GALNT7: variants seen among roughly 807,000 people sequenced by gnomAD.
The protein encoded by GALNT7 is N-acetylgalactosaminyltransferase 7.
A neutral mutation model predicts 82.1 loss-of-function variants in GALNT7; 60 were observed. The ratio of observed to expected loss-of-function variants is 0.73; its 90% CI spans 0.59 to 0.91. The LOEUF is 0.91. Among genes scored for constraint, GALNT7 ranks in the 40% least tolerant of loss-of-function variants. The pLI, the probability that GALNT7 is intolerant of heterozygous loss-of-function variation, is 0.00. For missense variants in GALNT7, 660 were observed against 804.2 expected, an observed-to-expected ratio of 0.82 and a Z score of 2.17; for synonymous variants, 243 against 275.1, an observed-to-expected ratio of 0.88 and a Z score of 1.15.
chr4:173,191,589 C>T (rs1257957347), intron 1 of GALNT7, among the ~76,000 whole-genome samples: 1 of 152,150 alleles, frequency 6.6e-6, no homozygotes, highest in Non-Finnish European at 1.5e-5. Flanking sequence ...AGATATTGTG[C>T]CAAACAGTAC....
chr4:173,220,938 T>C (rs546178293), intron 1 of GALNT7, among the ~76,000 whole-genome samples: 223 of 152,016 alleles, frequency 1.5e-3, no homozygotes, highest in African/African-American at 5.1e-3. Flanking sequence ...TCTTTGCTAT[T>C]GTGGATAGTG....
intron 1 of GALNT7, among the ~76,000 whole-genome samples, chr4:173,241,308 C>G (rs1734427434): frequency 1.3e-5 from 2 of 151,868 alleles, no homozygotes; most frequent in South Asian, 4.2e-4. Context: ...TTAAGTCAGG[C>G]AAATCACGAA....
intron 1 of GALNT7, among the ~76,000 whole-genome samples, chr4:173,199,707 A>G (rs1732882633): frequency 6.6e-6 from 1 of 152,150 alleles, no homozygotes; most frequent in Non-Finnish European, 1.5e-5. Context: ...CCACCCTCTT[A>G]AAAAGAAGTT....
rs140274180 is a variant in GALNT7, at chr4:173,254,944, T to G, written c.587+6504T>G. Among the ~76,000 whole-genome samples the G allele has an allele frequency of 3.7e-3, 557 of 152,368 alleles. 1 individual carries two copies. The highest frequency in any genetic ancestry group is 0.011 in the African/African-American group (476 of 41,590). ...CCTTGTGTTCTGATGTCTACTTTTC[T>G]TCTTCACACACATATAAACACAAAA... On this transcript the variant is annotated intron_variant, in intron 2 of 11. Coordinates refer to ENST00000265000, the MANE Select transcript of GALNT7 (RefSeq NM_017423.3).
chr4:173,261,030 C>A (rs1271215894), intron 2 of GALNT7, among the ~76,000 whole-genome samples: 1 of 152,200 alleles, frequency 6.6e-6, no homozygotes, highest in African/African-American at 2.4e-5. Context: ...TTGCTGAGCG[C>A]TTCTGTCCCA....
At chr4:173,245,155 A>C (rs1175069737) in intron 1 of GALNT7, among the ~76,000 whole-genome samples, 1 of 151,696 alleles carries the variant, frequency 6.6e-6, no homozygotes, top group Non-Finnish European at 1.5e-5. Context: ...TGACAAATAG[A>C]CTAATAACAG....
At chr4:173,305,879 G>T (rs1157798231) in intron 8 of GALNT7, among the ~76,000 whole-genome samples, 1 of 151,990 alleles carries the variant, frequency 6.6e-6, no homozygotes, top group Non-Finnish European at 1.5e-5. Flanking sequence ...GCTATTCAGG[G>T]TTTTTTGTGG....
At chr4:173,242,606 C>T (rs572057610) in intron 1 of GALNT7, among the ~76,000 whole-genome samples, 2 of 152,328 alleles carry the variant, frequency 1.3e-5, no homozygotes, top group South Asian at 2.1e-4. Context: ...AGTCATCGCT[C>T]AGTGCTCTGA....
At chr4:173,206,415 TG>T (rs1363080224) in intron 1 of GALNT7, among the ~76,000 whole-genome samples, 2 of 152,160 alleles carry the variant, frequency 1.3e-5, no homozygotes, top group Non-Finnish European at 2.9e-5. Flanking sequence ...ATATTTCTCT[TG>T]GGTGGGGGTG....
chr4:173,319,716 A>G (rs936146823), intron 11 of GALNT7, among the ~76,000 whole-genome samples: 2 of 152,202 alleles, frequency 1.3e-5, no homozygotes, highest in African/African-American at 4.8e-5. Flanking sequence ...GATATTACTG[A>G]ACATTCACTT....
intron 2 of GALNT7, among the ~76,000 whole-genome samples, chr4:173,263,335 C>G (rs771122064): frequency 6.6e-6 from 1 of 152,120 alleles, no homozygotes; most frequent in Non-Finnish European, 1.5e-5. Context: ...ATCTCTTATA[C>G]TTGATTTACT....
At chr4:173,312,041 TTGTG>T (rs960565479) in intron 8 of GALNT7, among the ~76,000 whole-genome samples, 2 of 152,224 alleles carry the variant, frequency 1.3e-5, no homozygotes, top group African/African-American at 4.8e-5. Flanking sequence ...ACTCATTTGT[TTGTG>T]TATTATCTAC....
rs200973347 is a variant in GALNT7, at chr4:173,230,738, C to G, written c.127-17242C>G. Among the ~76,000 whole-genome samples the G allele has an allele frequency of 1.4e-4, 22 of 152,176 alleles. No individual in the cohort carries two copies. In the East Asian group the frequency reaches 3.7e-3, roughly 25 times the overall value. On this transcript the variant is annotated intron_variant, in intron 1 of 11. Transcript: ENST00000265000. ...TAAGTACTCTGTGAGGGGTTTTCTCCCTTTCTCTCACTGATACCTCTTACA... is the reference window on the plus strand; with the variant it reads ...TAAGTACTCTGTGAGGGGTTTTCTCGCTTTCTCTCACTGATACCTCTTACA...
intron 1 of GALNT7, among the ~76,000 whole-genome samples, chr4:173,247,776 C>T (rs568600328): frequency 1.3e-5 from 2 of 152,084 alleles, no homozygotes; most frequent in Middle Eastern, 3.2e-3. Flanking sequence ...AATAGTAAGG[C>T]GAGGAGATAG....
chr4:173,177,435 AG>A (rs1318736530), intron 1 of GALNT7, among the ~76,000 whole-genome samples: 1 of 152,184 alleles, frequency 6.6e-6, no homozygotes, highest in African/African-American at 2.4e-5. Context: ...TTCATTGGCC[AG>A]AGGGTGGTGT....
intron 2 of GALNT7, among the ~76,000 whole-genome samples, chr4:173,275,987 T>C (rs1267739871): frequency 2.0e-5 from 3 of 152,158 alleles, no homozygotes; most frequent in Non-Finnish European, 4.4e-5. Context: ...AAAGCAAGGA[T>C]TGTAGTTAAC....
chr4:173,283,036 C>T (rs574264199), intron 2 of GALNT7, among the ~76,000 whole-genome samples: 1 of 152,326 alleles, frequency 6.6e-6, no homozygotes, highest in East Asian at 1.9e-4. Flanking sequence ...CTCTGAGCTG[C>T]AGCCAGAGAT....
At chr4:173,179,180 G>T (rs1174118417) in intron 1 of GALNT7, among the ~76,000 whole-genome samples, 1 of 152,188 alleles carries the variant, frequency 6.6e-6, no homozygotes, top group Non-Finnish European at 1.5e-5. Flanking sequence ...CTTATAAAAA[G>T]AAATGGTATT....
intron 1 of GALNT7, among the ~76,000 whole-genome samples, chr4:173,230,330 T>A (rs1733990217): frequency 6.6e-6 from 1 of 152,190 alleles, no homozygotes; most frequent in South Asian, 2.1e-4. Flanking sequence ...AGTTGCTTCC[T>A]GTTGCTTAAC....
Sources: allele counts gnomAD v4.1 joint callset (sites outside exome capture counted in the v4.1 genomes callset), GRCh38; gene constraint gnomAD v4.1.1; transcripts MANE v1.5; gene names NCBI Gene and HGNC (gene_info 2026-07-23, HGNC 2026-07-21).